Variants in RYR3 observed in about 807,000 individuals in gnomAD.
RYR3 encodes the protein brain ryanodine receptor-calcium release channel.
Under a neutral mutation model 584.3 loss-of-function variants are expected in RYR3, and 207 were observed. The ratio of observed to expected loss-of-function variants is 0.35; its 90% CI spans 0.32 to 0.40. The LOEUF is 0.40. Ranked by LOEUF, RYR3 falls within the 10% of genes least tolerant of loss-of-function variation. The probability of loss-of-function intolerance (pLI) is 1.00; values close to 1 mark genes in which losing one functional copy is unlikely to be tolerated. For synonymous variants in RYR3, 2,416 were observed against 2,248.5 expected (o/e 1.07, Z -2.11); for missense variants, 5,616 against 6,089.2 (o/e 0.92, Z 2.59).
At position 33,530,667 on chromosome 15, in the gene RYR3, G is replaced by T. The variant is rs760825382; in HGVS notation, c.354+1G>T. The T allele has an allele frequency of 6.2e-7, 1 of 1,611,750 alleles. No homozygotes were observed. Among genetic ancestry groups the T allele is most frequent in the Non-Finnish European group, 8.5e-7 (1 of 1,178,108 alleles). ...CCTGAGGCACTCTTTCAGCGGAATG[G>T]TAAGCAGCTCTGGTGCCCACTTTCA... On this transcript the variant is annotated splice_donor_variant, in intron 4 of 103. Transcript: ENST00000634891. LOFTEE classifies it high-confidence loss of function.
intron 42 of RYR3, among the ~76,000 whole-genome samples, chr15:33,702,144 C>T (rs558999573): frequency 4.9e-4 from 75 of 152,090 alleles, no homozygotes; most frequent in Non-Finnish European, 9.1e-4. Flanking sequence ...CAGTGTCATG[C>T]GGTTAGTCAG....
chr15:33,616,687 G>T (rs2060468624), intron 19 of RYR3, among the ~76,000 whole-genome samples: 1 of 152,214 alleles, frequency 6.6e-6, no homozygotes, highest in Non-Finnish European at 1.5e-5. Flanking sequence ...CAGGTGGAAG[G>T]CTAAAAAGCA....
intron 2 of RYR3, among the ~76,000 whole-genome samples, chr15:33,487,357 GA>G (rs1329388549): frequency 6.6e-6 from 1 of 152,128 alleles, no homozygotes; most frequent in Non-Finnish European, 1.5e-5. Context: ...TACAGCAGAG[GA>G]TTTAGATAGT....
At position 33,623,882 on chromosome 15, in the gene RYR3, A is replaced by G. The variant is rs1595874286; in HGVS notation, c.2433A>G (p.Glu811=). ...LPPSGYAPCY[E]ALLPKEKMRL... ...CCTCTGGCTATGCCCCTTGCTATGA[A>G]GCCTTACTTCCAAAAGAGAAGATGA... Residue 811 remains glutamate (E), a synonymous_variant, in exon 20 of 104, where the codon GAA becomes GAG. Coordinates refer to ENST00000634891, the MANE Select transcript of RYR3 (RefSeq NM_001036.6). The G allele has an allele frequency of 5.0e-6, 8 of 1,613,872 alleles. No individual in the cohort carries two copies. The highest frequency in any genetic ancestry group is 6.8e-6 in the Non-Finnish European group (8 of 1,179,834).
chr15:33,815,991 A>G (rs895954818), intron 74 of RYR3: 3 of 397,968 alleles, frequency 7.5e-6, no homozygotes, highest in Non-Finnish European at 1.3e-5. Flanking sequence ...TTTATTGACC[A>G]TGATTTAACG....
At chr15:33,597,435 T>G (rs2059428901) in intron 16 of RYR3, among the ~76,000 whole-genome samples, 1 of 152,034 alleles carries the variant, frequency 6.6e-6, no homozygotes, top group African/African-American at 2.4e-5. Flanking sequence ...GTCAACATAG[T>G]GAAACCCTGT....
intron 9 of RYR3, among the ~76,000 whole-genome samples, chr15:33,548,516 T>C (rs908355853): frequency 6.6e-6 from 1 of 152,224 alleles, no homozygotes; most frequent in Admixed American, 6.5e-5. Context: ...ACAGGTTCTC[T>C]GGAACCCAGA....
At chr15:33,699,670 TC>T (rs2152770965) in intron 40 of RYR3, 33 bp from the exon 41 acceptor site, 1 of 1,602,964 alleles carries the variant, frequency 6.2e-7, no homozygotes, top group African/African-American at 1.3e-5. Flanking sequence ...CATGATAGAT[TC>T]TTTTGTCTGA....
chr15:33,589,389 T>C (rs1373709359), intron 16 of RYR3, among the ~76,000 whole-genome samples: 1 of 152,218 alleles, frequency 6.6e-6, no homozygotes, highest in African/African-American at 2.4e-5. Flanking sequence ...TTGGCAGATA[T>C]TTTCTCCTAT....
At chr15:33,552,453 G>T (rs1366006352) in intron 10 of RYR3, among the ~76,000 whole-genome samples, 11 of 152,176 alleles carry the variant, frequency 7.2e-5, no homozygotes, top group African/African-American at 2.7e-4. Flanking sequence ...GGGGCCATCG[G>T]CATAGCAGAG....
intron 1 of RYR3, among the ~76,000 whole-genome samples, chr15:33,393,260 A>G (rs1260592676): frequency 6.6e-6 from 1 of 152,254 alleles, no homozygotes; most frequent in African/African-American, 2.4e-5. Context: ...CAGGACTGAA[A>G]GAAACCTGCT....
chr15:33,479,279 T>C (rs561340042), intron 2 of RYR3, among the ~76,000 whole-genome samples: 2 of 152,288 alleles, frequency 1.3e-5, no homozygotes, highest in East Asian at 1.9e-4. Flanking sequence ...GATTACTGTT[T>C]CCTCCTAAAA....
intron 38 of RYR3, among the ~76,000 whole-genome samples, chr15:33,675,270 T>G (rs1463790606): frequency 6.6e-6 from 1 of 152,246 alleles, no homozygotes; most frequent in Non-Finnish European, 1.5e-5. Context: ...CTCGTTTAAT[T>G]CTCATGAGAA....
intron 1 of RYR3, among the ~76,000 whole-genome samples, chr15:33,430,893 G>T (rs865823984): frequency 2.2e-4 from 34 of 151,772 alleles, no homozygotes; most frequent in Non-Finnish European, 4.1e-4. Context: ...TCCCTGCTCT[G>T]TCACTAACTC....
chr15:33,360,593 G>T (rs1458574517), intron 1 of RYR3, among the ~76,000 whole-genome samples: 1 of 152,126 alleles, frequency 6.6e-6, no homozygotes, highest in Non-Finnish European at 1.5e-5. Context: ...TTTATACATA[G>T]GTCTTCCTGA....
At chr15:33,511,871 C>T (rs537402779) in intron 3 of RYR3, among the ~76,000 whole-genome samples, 2 of 152,312 alleles carry the variant, frequency 1.3e-5, no homozygotes, top group African/African-American at 2.4e-5. Context: ...CTCCACCTCC[C>T]GGGTTCACGC....
rs1320889142 is a variant in RYR3, at chr15:33,780,223, C to T, written c.9150C>T (p.Ala3050=). The change falls in exon 65 of 104, where the codon GCC becomes GCT. Residue 3050 remains alanine, a synonymous_variant. Coordinates refer to ENST00000634891, the MANE Select transcript of RYR3 (RefSeq NM_001036.6). ...KNIYVERQRP[A]LGECLASLAA... ...TCTTTGTTTCCAGGCAACGCCCTGC[C>T]CTTGGAGAATGTCTGGCCTCGCTGG... 1 of 1,613,840 alleles carries T rather than the reference C, an allele frequency of 6.2e-7. No homozygotes were observed. Among genetic ancestry groups the T allele is most frequent in the East Asian group, 2.2e-5 (1 of 44,878 alleles).
Position 33,311,700 on chromosome 15 carries a change from C to A in RYR3, c.51+604C>A, listed in dbSNP as rs1235271181. On this transcript the variant is annotated intron_variant, in intron 1 of 103. Coordinates refer to ENST00000634891, the MANE Select transcript of RYR3 (RefSeq NM_001036.6). The surrounding 1 kb of genome is among the most constrained non-coding windows in gnomAD (Gnocchi z 4.4). ...CCCACGCCGGCAACTGCTGCTGGAG[C>A]CTGACTTGACTGACTGCCTGTCGTG... Among the ~76,000 whole-genome samples the A allele has an allele frequency of 6.6e-6, 1 of 152,226 alleles. No homozygotes were observed. Among genetic ancestry groups the A allele is most frequent in the East Asian group, 1.9e-4 (1 of 5,178 alleles).
At position 33,371,023 on chromosome 15, in the gene RYR3, C is replaced by T. The variant is rs547412005; in HGVS notation, c.51+59927C>T. Among the ~76,000 whole-genome samples the T allele has an allele frequency of 7.0e-4, 107 of 152,342 alleles. 1 individual carries two copies. Among genetic ancestry groups the T allele is most frequent in the African/African-American group, 2.5e-3 (104 of 41,582 alleles). On this transcript the variant is annotated intron_variant, in intron 1 of 103. Transcript: ENST00000634891. ...TGGCACAAAGAAGATGCTCAGTAAA[C>T]ATTTGGTGACTGAATGAATGGGCCC...
Sources: gnomAD v4.1 joint callset for allele counts (sites outside exome capture counted in the v4.1 genomes callset) on GRCh38, gnomAD v4.1.1 for gene constraint, Gnocchi (gnomAD v3.1) non-coding constraint, MANE v1.5 for transcripts, NCBI Gene and HGNC (gene_info 2026-07-23, HGNC 2026-07-21) for gene names.